Variants in DMC1 observed in about 807,000 individuals in gnomAD.
The protein encoded by DMC1 is DNA meiotic recombinase 1.
DMC1 carries 27 observed loss-of-function variants against 50.1 expected under a neutral mutation model. The ratio of observed to expected loss-of-function variants is 0.54; its 90% CI spans 0.40 to 0.74. DMC1 has a LOEUF of 0.74. Among genes scored for constraint, DMC1 ranks in the 30% least tolerant of loss-of-function variants. The pLI is 0.00. For missense variants in DMC1, 295 were observed against 420.2 expected, an observed-to-expected ratio of 0.70 and a Z score of 2.60; for synonymous variants, 148 against 136.1, an observed-to-expected ratio of 1.09 and a Z score of -0.61.
At chr22:38,552,428 C>A (rs973598216) in intron 7 of DMC1, among the ~76,000 whole-genome samples, 11 of 152,080 alleles carry the variant, frequency 7.2e-5, no homozygotes, top group African/African-American at 2.7e-4. Context: ...ATTCATACAC[C>A]CATTCAACTT....
chr22:38,538,788 A>G (rs941443082), intron 9 of DMC1, among the ~76,000 whole-genome samples, 176 bp from the exon 10 acceptor site: 2 of 152,196 alleles, frequency 1.3e-5, no homozygotes, highest in African/African-American at 4.8e-5. Flanking sequence ...TAATCCCAAC[A>G]CTTTGGGAGG....
At position 38,519,844 on chromosome 22, in the gene DMC1, T is replaced by C. The variant is rs2090004465; in HGVS notation, c.*176A>G. 1 of 595,912 alleles carries C rather than the reference T, an allele frequency of 1.7e-6. No homozygotes were observed. Among genetic ancestry groups the C allele is most frequent in the African/African-American group, 1.9e-5 (1 of 53,878 alleles). The allele number at this position is 595,912 out of a possible 1,614,324, so 36.9% of individuals were successfully genotyped here. On this transcript the variant is annotated 3_prime_UTR_variant, in exon 14 of 14. Coordinates refer to ENST00000216024, the MANE Select transcript of DMC1 (RefSeq NM_007068.4). ...TATCCCTGAATTTACATACAATGTA[T>C]AGTTATCATAAATCAGGGACTTTTA...
In DMC1 at chr22:38,519,121, G is replaced by A. The variant is rs2089997109; in HGVS notation, c.*899C>T. 1 of 150,862 alleles carries A rather than the reference G, an allele frequency of 6.6e-6. No individual in the cohort carries two copies. The highest frequency in any genetic ancestry group is 2.1e-4 in the South Asian group (1 of 4,780). The allele number at this position is 150,862 out of a possible 1,614,324, so 9.3% of individuals were successfully genotyped here. The stretch of plus-strand genomic sequence containing the variant: ...CTGTCACCTAGGCTGGAGTGCAGTG[G>A]TGCCATCTTGGCTCACCGCAATCTC... On this transcript the variant is annotated 3_prime_UTR_variant, in exon 14 of 14. Transcript: ENST00000216024.
At chr22:38,545,743 C>T (rs903376873) in intron 8 of DMC1, 2 of 152,080 alleles carry the variant, frequency 1.3e-5, no homozygotes, top group Admixed American at 6.6e-5. Context: ...AATGAAAAAA[C>T]TTGGGCTTAT....
At chr22:38,550,317 C>CTTTTTTTTTTT (rs11458767) in intron 7 of DMC1, among the ~76,000 whole-genome samples, 2 of 133,976 alleles carry the variant, frequency 1.5e-5, no homozygotes, top group African/African-American at 2.8e-5. Context: ...CTTTTCTTTT[C>CTTTTTTTTTTT]TTTTTTTTTT....
At chr22:38,551,856 CTTTTTTT>C (rs71761663) in intron 7 of DMC1, among the ~76,000 whole-genome samples, 1 of 93,184 alleles carries the variant, frequency 1.1e-5, no homozygotes, top group African/African-American at 4.2e-5. Context: ...GAACTCCTTT[CTTTTTTT>C]TTTTTTTTTT....
At chr22:38,544,649 CAG>C (rs1254160611) in intron 8 of DMC1, among the ~76,000 whole-genome samples, 1 of 148,100 alleles carries the variant, frequency 6.8e-6, no homozygotes, top group African/African-American at 2.5e-5. Flanking sequence ...TTTTTTGAGA[CAG>C]AGTCTTGCTC....
chr22:38,552,780 C>T (rs2090426563), intron 6 of DMC1, 73 bp from the exon 7 acceptor site: 1 of 1,003,690 alleles, frequency 1.0e-6, no homozygotes, highest in African/African-American at 1.6e-5. Context: ...TAAAACATGG[C>T]TTTAGAATAT....
chr22:38,522,424 G>A (rs1389789215), intron 12 of DMC1, among the ~76,000 whole-genome samples: 2 of 151,960 alleles, frequency 1.3e-5, no homozygotes, highest in Non-Finnish European at 2.9e-5. Context: ...GTGTGGTGGC[G>A]TGTGCCTGAT....
chr22:38,532,276 A>C (rs2090161050), intron 12 of DMC1, among the ~76,000 whole-genome samples: 2 of 152,090 alleles, frequency 1.3e-5, no homozygotes, highest in South Asian at 4.2e-4. Flanking sequence ...TGACTTACCA[A>C]GACTAAAATT....
intron 12 of DMC1, among the ~76,000 whole-genome samples, chr22:38,527,491 C>G (rs1335362718): frequency 6.6e-6 from 1 of 151,590 alleles, no homozygotes; most frequent in Non-Finnish European, 1.5e-5. Context: ...AGGTGTGAGC[C>G]ACTGCACTGG....
At chr22:38,536,091 T>G (rs896912768) in intron 12 of DMC1, among the ~76,000 whole-genome samples, 3 of 151,538 alleles carry the variant, frequency 2.0e-5, no homozygotes, top group African/African-American at 7.3e-5. Flanking sequence ...CGTGGCGATG[T>G]GTGCCTCCCA....
chr22:38,562,413 C>A, intron 4 of DMC1, 44 bp from the exon 5 acceptor site: 1 of 1,378,584 alleles, frequency 7.3e-7, no homozygotes, highest in South Asian at 1.2e-5. Context: ...GTTTAAAGAT[C>A]ATGGTTGTAT....
intron 6 of DMC1, 36 bp downstream of exon 6, chr22:38,555,321 A>G (rs2090458505): frequency 6.4e-6 from 9 of 1,400,690 alleles, no homozygotes; most frequent in Non-Finnish European, 9.1e-6. Context: ...TGTGTGTATA[A>G]TATTTCATTT....
At chr22:38,565,579 C>A (rs1485880948) in intron 4 of DMC1, among the ~76,000 whole-genome samples, 1 of 152,234 alleles carries the variant, frequency 6.6e-6, no homozygotes, top group African/African-American at 2.4e-5. Context: ...TATGAGGTAG[C>A]CCTGCTCTGC....
chr22:38,544,545 T>A (rs976598348), intron 8 of DMC1, among the ~76,000 whole-genome samples: 1 of 152,152 alleles, frequency 6.6e-6, no homozygotes, highest in Admixed American at 6.5e-5. Context: ...AACCAAGCTG[T>A]GCCCCAACCA....
chr22:38,510,461 G>C, the DMC1 span, among the ~76,000 whole-genome samples: 8 of 152,128 alleles, frequency 5.3e-5, no homozygotes, highest in Admixed American at 3.3e-4. Flanking sequence ...TGTCTAAAAA[G>C]ACAGAAAAAA....
At chr22:38,559,949 C>T (rs1413517279) in intron 5 of DMC1, among the ~76,000 whole-genome samples, 1 of 151,414 alleles carries the variant, frequency 6.6e-6, no homozygotes. Context: ...ACCTGGGCAG[C>T]AGAGGTTGCA....
At chr22:38,509,847 G>C in the DMC1 span, among the ~76,000 whole-genome samples, 1 of 151,894 alleles carries the variant, frequency 6.6e-6, no homozygotes, top group African/African-American at 2.4e-5. Context: ...ATATTTTTTA[G>C]TAGAGACTGG....
Sources: allele counts gnomAD v4.1 joint callset (sites outside exome capture counted in the v4.1 genomes callset), GRCh38; gene constraint gnomAD v4.1.1; transcripts MANE v1.5; gene names NCBI Gene and HGNC (gene_info 2026-07-23, HGNC 2026-07-21).